IMMP2L: variants seen among roughly 807,000 people sequenced by gnomAD.
The protein encoded by IMMP2L is inner mitochondrial membrane peptidase subunit 2.
A neutral mutation model predicts 19.3 loss-of-function variants in IMMP2L; 18 were observed. The observed-to-expected ratio is 0.93, with a 90% CI of 0.64 to 1.38. The LOEUF is 1.38. Ranked by LOEUF, IMMP2L falls within the 40% of genes most tolerant of loss-of-function variation. The pLI is 0.00. For synonymous variants in IMMP2L, 76 were observed against 73.0 expected (o/e 1.04, Z -0.21); for missense variants, 233 against 218.2 (o/e 1.07, Z -0.43).
chr7:110,888,543 T>C lies in IMMP2L; in HGVS notation c.306-1848A>G, dbSNP rs115824166. Reference sequence around the variant, plus strand: ...TCATTTCTGCAGTGACACGGTGAGTTTTAAATCAAGCATATTCCAGAAACC... The same window carrying C: ...TCATTTCTGCAGTGACACGGTGAGTCTTAAATCAAGCATATTCCAGAAACC... On this transcript the variant is annotated intron_variant, in intron 4 of 5. Coordinates refer to ENST00000405709, the MANE Select transcript of IMMP2L (RefSeq NM_032549.4). 3.1e-3 allele frequency among the ~76,000 whole-genome samples: 479 copies of C among 152,250 alleles called. 2 individuals are homozygous for C. The highest frequency in any genetic ancestry group is 0.011 in the African/African-American group (467 of 41,548).
chr7:111,296,329 A>G (rs952235967), intron 3 of IMMP2L, among the ~76,000 whole-genome samples: 16 of 151,958 alleles, frequency 1.1e-4, no homozygotes, highest in African/African-American at 3.9e-4. Flanking sequence ...CCAATACATG[A>G]AATTAAAACG....
intron 3 of IMMP2L, among the ~76,000 whole-genome samples, chr7:111,066,772 T>C (rs1274271774): frequency 1.3e-5 from 2 of 152,270 alleles, no homozygotes; most frequent in East Asian, 3.9e-4. Context: ...CTGGAGGCCT[T>C]GGGTCATGCT....
At chr7:110,941,654 T>C (rs1432458714) in intron 4 of IMMP2L, among the ~76,000 whole-genome samples, 4 of 152,186 alleles carry the variant, frequency 2.6e-5, no homozygotes, top group African/African-American at 9.6e-5. Context: ...GCATTCATTC[T>C]CAGCAGACTT....
intron 3 of IMMP2L, among the ~76,000 whole-genome samples, chr7:111,168,580 C>T (rs1806090598): frequency 1.3e-5 from 2 of 151,768 alleles, no homozygotes; most frequent in South Asian, 4.1e-4. Flanking sequence ...CTTTTTTACC[C>T]CTGCCTTTGA....
At chr7:110,685,596 A>T (rs1275982704) in intron 5 of IMMP2L, among the ~76,000 whole-genome samples, 1 of 152,130 alleles carries the variant, frequency 6.6e-6, no homozygotes, top group East Asian at 1.9e-4. Flanking sequence ...TTAGCTGGTG[A>T]TACTAGTTTA....
At chr7:110,961,635 A>G (rs1818950101) in intron 4 of IMMP2L, among the ~76,000 whole-genome samples, 2 of 151,846 alleles carry the variant, frequency 1.3e-5, no homozygotes, top group Non-Finnish European at 2.9e-5. Context: ...AGAATTACTC[A>G]TAATATCCCC....
intron 3 of IMMP2L, among the ~76,000 whole-genome samples, chr7:111,461,930 T>C (rs1397700066): frequency 6.6e-6 from 1 of 151,984 alleles, no homozygotes; most frequent in Admixed American, 6.6e-5. Flanking sequence ...TTTTTAAAAG[T>C]AGGCTATAAG....
chr7:110,874,175 A>G (rs1563044030), intron 5 of IMMP2L, among the ~76,000 whole-genome samples: 1 of 152,164 alleles, frequency 6.6e-6, no homozygotes, highest in Non-Finnish European at 1.5e-5. Context: ...TAGGCAAAGG[A>G]TCATGGTAAT....
intron 3 of IMMP2L, among the ~76,000 whole-genome samples, chr7:110,979,702 A>G (rs768098272): frequency 6.6e-6 from 1 of 152,056 alleles, no homozygotes; most frequent in African/African-American, 2.4e-5. Flanking sequence ...CAAAACAAAA[A>G]CAAAACCAAA....
At chr7:111,355,873 C>A (rs1243449897) in intron 3 of IMMP2L, among the ~76,000 whole-genome samples, 1 of 151,808 alleles carries the variant, frequency 6.6e-6, no homozygotes, top group African/African-American at 2.4e-5. Flanking sequence ...CCCAATAGGT[C>A]TTTAATTACA....
At chr7:110,672,577 T>C (rs1333937346) in intron 5 of IMMP2L, among the ~76,000 whole-genome samples, 12 of 152,160 alleles carry the variant, frequency 7.9e-5, no homozygotes, top group Admixed American at 7.9e-4. Context: ...CTTCCGCCTA[T>C]GAGCCTGTAA....
At chr7:111,439,421 C>CAT (rs1341921315) in intron 3 of IMMP2L, among the ~76,000 whole-genome samples, 1 of 151,810 alleles carries the variant, frequency 6.6e-6, no homozygotes, top group Admixed American at 6.6e-5. Flanking sequence ...GTGGAGATAC[C>CAT]ATAGGTTCAG....
intron 2 of IMMP2L, among the ~76,000 whole-genome samples, chr7:111,491,309 T>C (rs1170063786): frequency 6.6e-6 from 1 of 151,978 alleles, no homozygotes; most frequent in African/African-American, 2.4e-5. Flanking sequence ...AGTTGTGGGG[T>C]GTGGGACAGT....
intron 5 of IMMP2L, among the ~76,000 whole-genome samples, chr7:110,745,118 T>C (rs758567513): frequency 9.9e-5 from 15 of 152,124 alleles, no homozygotes; most frequent in Non-Finnish European, 1.6e-4. Flanking sequence ...CAAGTATCAA[T>C]AGCTGAATTG....
At chr7:111,551,831 TAA>T (rs943285830) in intron 1 of IMMP2L, among the ~76,000 whole-genome samples, 28 of 152,184 alleles carry the variant, frequency 1.8e-4, no homozygotes, top group African/African-American at 6.7e-4. Flanking sequence ...TTAAAGGTGA[TAA>T]AAGACACTGA....
intron 5 of IMMP2L, among the ~76,000 whole-genome samples, chr7:110,721,571 A>C (rs1351601146): frequency 1.3e-5 from 2 of 152,090 alleles, no homozygotes; most frequent in Non-Finnish European, 2.9e-5. Flanking sequence ...AAAAACACAC[A>C]AACAAAAAAA....
chr7:111,347,776 T>C (rs1488481320), intron 3 of IMMP2L, among the ~76,000 whole-genome samples: 4 of 152,056 alleles, frequency 2.6e-5, no homozygotes, highest in Non-Finnish European at 4.4e-5. Flanking sequence ...ATTCCTGCAA[T>C]GAGCTTCTAC....
chr7:111,297,015 G>T (rs1584500312), intron 3 of IMMP2L, among the ~76,000 whole-genome samples: 1 of 151,920 alleles, frequency 6.6e-6, no homozygotes, highest in Admixed American at 6.6e-5. Flanking sequence ...CAGATTAGTG[G>T]TTGCCAAGGG....
At chr7:111,124,150 T>C (rs763832506) in intron 3 of IMMP2L, 4 of 1,613,836 alleles carry the variant, frequency 2.5e-6, no homozygotes, top group Non-Finnish European at 3.4e-6. Context: ...GATAACACCT[T>C]CTGGTCAAAA....
Sources: allele counts gnomAD v4.1 joint callset (sites outside exome capture counted in the v4.1 genomes callset), GRCh38; gene constraint gnomAD v4.1.1; transcripts MANE v1.5; gene names NCBI Gene and HGNC (gene_info 2026-07-23, HGNC 2026-07-21).